COLGALT2: variants seen among roughly 807,000 people sequenced by gnomAD.
COLGALT2 encodes collagen beta(1-O)galactosyltransferase 2, also known as procollagen galactosyltransferase 2.
In COLGALT2, 49 loss-of-function variants were observed where a neutral mutation model predicts 73.4. The ratio of observed to expected loss-of-function variants is 0.67; its 90% CI spans 0.53 to 0.85. The LOEUF is 0.85. Among genes scored for constraint, COLGALT2 ranks in the 40% least tolerant of loss-of-function variants. The probability of loss-of-function intolerance (pLI) is 0.00; values close to 1 mark genes in which losing one functional copy is unlikely to be tolerated. For missense variants in COLGALT2, 722 were observed against 790.2 expected, an observed-to-expected ratio of 0.91 and a Z score of 1.03; for synonymous variants, 295 against 307.6, an observed-to-expected ratio of 0.96 and a Z score of 0.43.
intron 2 of COLGALT2, among the ~76,000 whole-genome samples, chr1:183,977,659 C>A (rs1451158774): frequency 6.6e-6 from 1 of 151,802 alleles, no homozygotes; most frequent in African/African-American, 2.4e-5. Flanking sequence ...CATAGTGGTG[C>A]ATGGCTGTGG....
At chr1:183,971,183 A>T (rs576146911) in intron 4 of COLGALT2, among the ~76,000 whole-genome samples, 1 of 152,324 alleles carries the variant, frequency 6.6e-6, no homozygotes, top group African/African-American at 2.4e-5. Flanking sequence ...TTCATTGGCC[A>T]GACAACATCA....
intron 8 of COLGALT2, among the ~76,000 whole-genome samples, chr1:183,947,554 T>C (rs975542832): frequency 2.6e-5 from 4 of 152,166 alleles, no homozygotes; most frequent in African/African-American, 9.7e-5. Context: ...TATTTTGAGA[T>C]GAATGAAAAC....
chr1:184,006,028 C>T (rs1672065193), intron 1 of COLGALT2, among the ~76,000 whole-genome samples: 1 of 152,122 alleles, frequency 6.6e-6, no homozygotes, highest in Non-Finnish European at 1.5e-5. Flanking sequence ...GTTTCTTTCC[C>T]CATCCTGCTA....
intron 1 of COLGALT2, among the ~76,000 whole-genome samples, chr1:184,017,197 T>A (rs975176878): frequency 1.3e-5 from 2 of 152,212 alleles, no homozygotes; most frequent in African/African-American, 4.8e-5. Flanking sequence ...AATCCTGATA[T>A]CTTCTAATTC....
intron 1 of COLGALT2, among the ~76,000 whole-genome samples, chr1:183,997,390 A>C (rs954023777): frequency 6.6e-6 from 1 of 152,114 alleles, no homozygotes; most frequent in African/African-American, 2.4e-5. Context: ...TGCCTTCCCT[A>C]GTTACTCCTC....
chr1:183,950,889 T>G (rs911974167), intron 8 of COLGALT2, 118 bp downstream of exon 8: 35 of 713,780 alleles, frequency 4.9e-5, no homozygotes, highest in Non-Finnish European at 7.7e-5. Flanking sequence ...GTTTTGAAAA[T>G]AAGACTATCC....
chr1:183,998,095 A>T (rs933115445), intron 1 of COLGALT2, among the ~76,000 whole-genome samples: 2 of 152,332 alleles, frequency 1.3e-5, no homozygotes, highest in African/African-American at 4.8e-5. Flanking sequence ...TCTTCAAAGT[A>T]GTTGCACCAA....
chr1:184,031,817 ATCCTTCCT>A (rs57492822), intron 1 of COLGALT2, among the ~76,000 whole-genome samples: 3,045 of 139,298 alleles, frequency 0.022, 101 homozygotes, highest in African/African-American at 0.068. Context: ...CCATGAATGT[ATCCTTCCT>A]TCCTTCCTTC....
intron 9 of COLGALT2, 79 bp downstream of exon 9, chr1:183,945,353 C>A: frequency 1.3e-6 from 2 of 1,508,934 alleles, no homozygotes; most frequent in Non-Finnish European, 1.8e-6. Context: ...CACTTTACAT[C>A]TGGCCCTAAC....
intron 1 of COLGALT2, among the ~76,000 whole-genome samples, chr1:183,990,456 C>A (rs887551789): frequency 6.6e-6 from 1 of 152,196 alleles, no homozygotes; most frequent in Non-Finnish European, 1.5e-5. Context: ...TCAAGATGCA[C>A]CCAGTTTCTC....
At chr1:183,981,646 G>A (rs1435111999) in intron 1 of COLGALT2, among the ~76,000 whole-genome samples, 1 of 152,178 alleles carries the variant, frequency 6.6e-6, no homozygotes, top group Non-Finnish European at 1.5e-5. Flanking sequence ...GATAGAGCGA[G>A]ATGCTCTCTC....
intron 8 of COLGALT2, among the ~76,000 whole-genome samples, chr1:183,947,842 T>A (rs1280837004): frequency 6.6e-6 from 1 of 152,104 alleles, no homozygotes; most frequent in African/African-American, 2.4e-5. Context: ...TTGACAATTA[T>A]TTGCCTAAAC....
chr1:183,942,156 G>T (rs1446162147), intron 10 of COLGALT2, among the ~76,000 whole-genome samples: 1 of 151,986 alleles, frequency 6.6e-6, no homozygotes. Flanking sequence ...CACCGTGTTA[G>T]CCAGGATGGT....
chr1:183,941,344 G>A (rs180998288), intron 10 of COLGALT2, among the ~76,000 whole-genome samples: 248 of 152,328 alleles, frequency 1.6e-3, no homozygotes, highest in African/African-American at 5.7e-3. Flanking sequence ...GACAGCTCCT[G>A]ACAGGCATTC....
intron 1 of COLGALT2, among the ~76,000 whole-genome samples, chr1:184,036,434 G>A (rs1434995223): frequency 6.6e-6 from 1 of 152,246 alleles, no homozygotes; most frequent in Non-Finnish European, 1.5e-5. Flanking sequence ...CCGATGCACC[G>A]GCAGGGACAG....
chr1:184,017,194 A>G (rs539015174), intron 1 of COLGALT2, among the ~76,000 whole-genome samples: 8 of 152,324 alleles, frequency 5.3e-5, no homozygotes, highest in South Asian at 4.1e-4. Flanking sequence ...AGCAATCCTG[A>G]TATCTTCTAA....
chr1:183,975,251 C>T (rs1323107665), intron 2 of COLGALT2, 37 bp from the exon 3 acceptor site: 26 of 1,289,654 alleles, frequency 2.0e-5, no homozygotes, highest in Non-Finnish European at 2.5e-5. Flanking sequence ...TATTGAGTGC[C>T]TACATGTACC....
At chr1:184,002,574 A>G (rs778433440) in intron 1 of COLGALT2, among the ~76,000 whole-genome samples, 1 of 152,258 alleles carries the variant, frequency 6.6e-6, no homozygotes, top group Non-Finnish European at 1.5e-5. Context: ...CACAATTCAG[A>G]TACCACAAAA....
At chr1:183,986,211 T>C (rs1671485743) in intron 1 of COLGALT2, among the ~76,000 whole-genome samples, 2 of 152,186 alleles carry the variant, frequency 1.3e-5, no homozygotes, top group Non-Finnish European at 2.9e-5. Flanking sequence ...GATATGGATA[T>C]GGTTAAAGAC....
Sources: gnomAD v4.1 joint callset for allele counts (sites outside exome capture counted in the v4.1 genomes callset) on GRCh38, gnomAD v4.1.1 for gene constraint, MANE v1.5 for transcripts, NCBI Gene and HGNC (gene_info 2026-07-23, HGNC 2026-07-21) for gene names.